The following TMEM132C variants were observed in gnomAD, a reference collection of about 807,000 sequenced individuals.
The protein encoded by TMEM132C is protein phosphatase 1, regulatory subunit 152.
A neutral mutation model predicts 61.4 loss-of-function variants in TMEM132C; 29 were observed. The observed-to-expected ratio is 0.47, with a 90% CI of 0.35 to 0.64. The LOEUF (loss-of-function observed/expected upper bound fraction) is 0.64, where lower values mean the gene tolerates loss of function less well. TMEM132C is among the 30% of genes least tolerant of loss of function. TMEM132C has a pLI of 0.00. For missense variants in TMEM132C, 1,408 were observed against 1,476.9 expected, an observed-to-expected ratio of 0.95 and a Z score of 0.76; for synonymous variants, 656 against 633.1, an observed-to-expected ratio of 1.04 and a Z score of -0.54.
intron 2 of TMEM132C, among the ~76,000 whole-genome samples, chr12:128,476,170 G>A (rs1026699182): frequency 1.3e-5 from 2 of 152,122 alleles, no homozygotes; most frequent in African/African-American, 4.8e-5. Flanking sequence ...GACTGGCAGG[G>A]CACCACCAAA....
At chr12:128,303,419 T>G (rs766272612) in intron 1 of TMEM132C, among the ~76,000 whole-genome samples, 14 of 152,296 alleles carry the variant, frequency 9.2e-5, no homozygotes, top group East Asian at 1.9e-4. Context: ...TGAGCCTGAT[T>G]CCAAAGTTTT....
intron 1 of TMEM132C, among the ~76,000 whole-genome samples, chr12:128,325,455 G>A (rs1872476664): frequency 6.6e-6 from 1 of 152,060 alleles, no homozygotes; most frequent in Non-Finnish European, 1.5e-5. Context: ...GTGTCTCTGT[G>A]TGTGCATTAT....
chr12:128,676,649 T>C (rs1007795225), intron 5 of TMEM132C, among the ~76,000 whole-genome samples: 5 of 152,254 alleles, frequency 3.3e-5, no homozygotes, highest in African/African-American at 9.6e-5. Flanking sequence ...AACTGTCTTA[T>C]TGGCAAATCT....
chr12:128,367,503 G>T (rs1179973591), intron 1 of TMEM132C, among the ~76,000 whole-genome samples: 9 of 152,182 alleles, frequency 5.9e-5, no homozygotes, highest in Admixed American at 3.9e-4. Context: ...AGTCCCATCT[G>T]ATGGGCTCCA....
At chr12:128,451,188 GA>G (rs936346901) in intron 2 of TMEM132C, among the ~76,000 whole-genome samples, 1 of 151,670 alleles carries the variant, frequency 6.6e-6, no homozygotes, top group Non-Finnish European at 1.5e-5. Flanking sequence ...GTCTGTTTTA[GA>G]AAAAAAATAC....
At chr12:128,567,119 GT>G (rs1276521844) in intron 3 of TMEM132C, among the ~76,000 whole-genome samples, 1 of 152,090 alleles carries the variant, frequency 6.6e-6, no homozygotes, top group Non-Finnish European at 1.5e-5. Context: ...CCACTTTCAA[GT>G]TTTCCAGGAC....
chr12:128,407,781 G>T (rs2136015521), intron 1 of TMEM132C, among the ~76,000 whole-genome samples: 1 of 152,348 alleles, frequency 6.6e-6, no homozygotes, highest in South Asian at 2.1e-4. Flanking sequence ...AGGCAGCCCA[G>T]ATTCAAAGAG....
At chr12:128,686,937 C>T (rs564773033) in intron 5 of TMEM132C, among the ~76,000 whole-genome samples, 1 of 152,138 alleles carries the variant, frequency 6.6e-6, no homozygotes, top group South Asian at 2.1e-4. Context: ...TAGCTCACAC[C>T]TGTAATCCCA....
intron 3 of TMEM132C, among the ~76,000 whole-genome samples, chr12:128,546,424 G>A (rs544723906): frequency 1.3e-5 from 2 of 152,310 alleles, no homozygotes; most frequent in Middle Eastern, 3.4e-3. Context: ...GAAGCAGAGC[G>A]AGGGAGATGA....
At chr12:128,482,479 G>T (rs1871343162) in intron 2 of TMEM132C, among the ~76,000 whole-genome samples, 1 of 152,184 alleles carries the variant, frequency 6.6e-6, no homozygotes, top group Non-Finnish European at 1.5e-5. Flanking sequence ...TCAGGATGAT[G>T]CTGGCCTCAT....
chr12:128,380,423 G>A (rs1874363719), intron 1 of TMEM132C, among the ~76,000 whole-genome samples: 1 of 152,236 alleles, frequency 6.6e-6, no homozygotes, highest in African/African-American at 2.4e-5. Flanking sequence ...TGCCTTGGAT[G>A]CCACTGAGTC....
intron 1 of TMEM132C, among the ~76,000 whole-genome samples, chr12:128,327,716 A>T (rs1053434202): frequency 6.6e-6 from 1 of 152,116 alleles, no homozygotes; most frequent in Non-Finnish European, 1.5e-5. Flanking sequence ...GAGAGATAGA[A>T]GGCATCAATC....
At position 128,340,916 on chromosome 12, in the gene TMEM132C, T is replaced by TTCTCTCTC. The variant is rs71989914; in HGVS notation, c.85+73451_85+73458dup. On this transcript the variant is annotated intron_variant, in intron 1 of 8. Transcript: ENST00000435159. Reference sequence around the variant, plus strand: ...TTTCTTTCTCTCTTTCTCTCTCTCTTTCTCTCTCTCTCTCTCTCTCTCTCT... The same window carrying TTCTCTCTC: ...TTTCTTTCTCTCTTTCTCTCTCTCTTTCTCTCTCTCTCTCTCTCTCTCTCTCTCTCTCT... Among the ~76,000 whole-genome samples the TTCTCTCTC allele has an allele frequency of 2.3e-5, 3 of 128,342 alleles. No individual in the cohort carries two copies. In the South Asian group the frequency reaches 7.4e-4, roughly 32 times the overall value. The allele number at this position is 128,342 out of a possible 152,430, so 84.2% of individuals were successfully genotyped here. A position where few individuals can be genotyped will look rare whatever the true frequency, so the allele number is the denominator to read the frequency against.
At chr12:128,609,816 C>T (rs1565990587) in intron 3 of TMEM132C, among the ~76,000 whole-genome samples, 1 of 152,188 alleles carries the variant, frequency 6.6e-6, no homozygotes, top group African/African-American at 2.4e-5. Context: ...AATGAGGGAT[C>T]CTTAAGGCAA....
chr12:128,616,080 C>T (rs762619716), intron 3 of TMEM132C, 72 bp from the exon 4 acceptor site: 162 of 1,469,980 alleles, frequency 1.1e-4, no homozygotes, highest in African/African-American at 4.5e-4. Context: ...TTATCTTCTG[C>T]GTACTATTAT....
chr12:128,646,312 T>G (rs1954197834), intron 4 of TMEM132C, among the ~76,000 whole-genome samples: 1 of 152,122 alleles, frequency 6.6e-6, no homozygotes, highest in Non-Finnish European at 1.5e-5. Context: ...CCATCAGCGT[T>G]GGATGTGAGT....
intron 1 of TMEM132C, among the ~76,000 whole-genome samples, chr12:128,281,525 G>A (rs898103213): frequency 2.0e-5 from 3 of 152,166 alleles, no homozygotes; most frequent in African/African-American, 7.2e-5. Context: ...ATGACCTAAT[G>A]TCTATTTGTC....
intron 2 of TMEM132C, among the ~76,000 whole-genome samples, chr12:128,435,434 T>G (rs1352939779): frequency 6.6e-6 from 1 of 152,224 alleles, no homozygotes; most frequent in Non-Finnish European, 1.5e-5. Flanking sequence ...CTTAAGCTGA[T>G]AAGCAACTTT....
At chr12:128,612,333 T>A (rs188535037) in intron 3 of TMEM132C, among the ~76,000 whole-genome samples, 20 of 152,326 alleles carry the variant, frequency 1.3e-4, no homozygotes, top group Admixed American at 1.2e-3. Context: ...TGCCCTGATG[T>A]CACCCTGACC....
Sources: allele counts gnomAD v4.1 joint callset (sites outside exome capture counted in the v4.1 genomes callset), GRCh38; gene constraint gnomAD v4.1.1; transcripts MANE v1.5; gene names NCBI Gene and HGNC (gene_info 2026-07-23, HGNC 2026-07-21).